The following BAZ2A variants were observed in gnomAD, a reference collection of about 807,000 sequenced individuals.
BAZ2A encodes the protein bromodomain adjacent to zinc finger domain 2A.
A neutral mutation model predicts 199.9 loss-of-function variants in BAZ2A; 34 were observed. That is an observed-to-expected ratio of 0.17 (90% CI 0.13 to 0.23). BAZ2A has a LOEUF of 0.23. Among genes scored for constraint, BAZ2A ranks in the 10% least tolerant of loss-of-function variants. The probability of loss-of-function intolerance (pLI) is 1.00; values close to 1 mark genes in which losing one functional copy is unlikely to be tolerated. For missense variants in BAZ2A, 2,002 were observed against 2,391.1 expected (o/e 0.84, Z 3.39); for synonymous variants, 857 against 883.9 (o/e 0.97, Z 0.54).
chr12:56,635,062 G>T, upstream of BAZ2A: 1 of 983,716 alleles, frequency 1.0e-6, no homozygotes. The surrounding 1 kb of genome is among the most constrained non-coding windows in gnomAD (Gnocchi z 4.1). Flanking sequence ...AGGGGAGGAG[G>T]TGGTGCTTAA....
chr12:56,606,122 T>C (rs1950344544), intron 12 of BAZ2A, 59 bp from the exon 13 acceptor site: 4 of 1,554,522 alleles, frequency 2.6e-6, no homozygotes, highest in Non-Finnish European at 3.5e-6. Context: ...TATCCTTCCC[T>C]GGTCCCAGTC....
intron 10 of BAZ2A, among the ~76,000 whole-genome samples, chr12:56,609,464 G>A (rs546085447): frequency 7.2e-4 from 110 of 152,172 alleles, no homozygotes; most frequent in Admixed American, 2.1e-3. Flanking sequence ...TGGAAAGAAA[G>A]GGCAAGAAAG....
chr12:56,606,589 T>C (rs570844312), intron 11 of BAZ2A, 44 bp downstream of exon 11: 1 of 1,543,556 alleles, frequency 6.5e-7, no homozygotes, highest in South Asian at 1.1e-5. Flanking sequence ...AAGTAAGTTG[T>C]AGGAAAAATT....
chr12:56,602,669 T>C (rs1950215585), intron 19 of BAZ2A, 44 bp downstream of exon 19: 1 of 1,588,724 alleles, frequency 6.3e-7, no homozygotes, highest in Non-Finnish European at 8.6e-7. Flanking sequence ...ATTTAATTCT[T>C]GTTTGATAGG....
In BAZ2A at chr12:56,603,643, T is replaced by C. The variant is rs371625712; in HGVS notation, c.3096A>G (p.Pro1032=). ...TGCGCCTCCGTCCCAGGCATTCCTC[T>C]GGCCCTTCCATCTCTACTTCAGACC... is the stretch of plus-strand genomic sequence containing the variant. ...TGRSEVEMEG[P]EECLGRRRSS... is the part of the protein sequence containing the mutation. The change falls in exon 17 of 29, where the codon CCA becomes CCG. Residue 1032 remains proline (P), a synonymous_variant. Transcript: ENST00000549884. The C allele has an allele frequency of 3.7e-6, 6 of 1,614,052 alleles. No individual in the cohort carries two copies. In the African/African-American group the frequency reaches 8.0e-5, roughly 22 times the overall value.
chr12:56,602,808 C>A lies in BAZ2A; in HGVS notation c.3329G>T (p.Arg1110Leu). 6.2e-7 allele frequency: 1 copy of A among 1,613,684 alleles called. No individual in the cohort carries two copies. Among genetic ancestry groups the A allele is most frequent in the Non-Finnish European group, 8.5e-7 (1 of 1,179,748 alleles). The stretch of plus-strand genomic sequence containing the variant: ...GCGGTCCTGACCCAGGGAGACCGCC[C>A]GAAGCATCTGGGATGAGTGAAGCAG... ...KKLLHSSQML[R>L]AVSLGQDRYR... Residue 1110 changes from arginine to leucine, a missense_variant, in exon 19 of 29, where the codon CGG becomes CTG. Physicochemically the swap from Arg to Leu is moderately radical, Grantham distance 102. Coordinates refer to ENST00000549884, the MANE Select transcript of BAZ2A (RefSeq NM_001300905.2).
At chr12:56,625,993 A>T (rs1238089441) in intron 1 of BAZ2A, among the ~76,000 whole-genome samples, 1 of 152,182 alleles carries the variant, frequency 6.6e-6, no homozygotes, top group East Asian at 1.9e-4. Context: ...GTTCTCTTTA[A>T]AGAGGAGAAA....
intron 12 of BAZ2A, 80 bp downstream of exon 12, chr12:56,606,167 A>G: frequency 6.3e-7 from 1 of 1,596,910 alleles, no homozygotes; most frequent in Non-Finnish European, 8.6e-7. Flanking sequence ...CTCACTATAA[A>G]ACAAGACTGA....
Position 56,599,167 on chromosome 12 carries a change from G to C in BAZ2A, c.5364C>G (p.Leu1788=), listed in dbSNP as rs1886147232. Residue 1788 remains leucine, a synonymous_variant, in exon 27 of 29, where the codon CTC becomes CTG. Coordinates refer to ENST00000549884, the MANE Select transcript of BAZ2A (RefSeq NM_001300905.2). ...EGLSPSKRRR[L]SMRNHHSDLT... ...GATCACTGTGGTGGTTCCGCATAGAGAGTCGCCGCCGCTTGGAGGGGGAGA... is the reference window on the plus strand; with the variant it reads ...GATCACTGTGGTGGTTCCGCATAGACAGTCGCCGCCGCTTGGAGGGGGAGA... The C allele has an allele frequency of 6.2e-7, 1 of 1,612,820 alleles. No homozygotes were observed. The highest frequency in any genetic ancestry group is 8.5e-7 in the Non-Finnish European group (1 of 1,179,506).
intron 1 of BAZ2A, among the ~76,000 whole-genome samples, chr12:56,618,794 C>T (rs867995905): frequency 1.1e-4 from 16 of 151,608 alleles, no homozygotes; most frequent in Admixed American, 3.3e-4. Context: ...CGCTTGAACC[C>T]GCAAGGCAGA....
In BAZ2A at chr12:56,605,686, T is replaced by G. The variant is rs577118419; in HGVS notation, c.2493+144A>C. ...ATCTGCCCGCCTCGGCCTCCCAAAG[T>G]GCTGGGATTACAGTGTGAGCCATGG... On this transcript the variant is annotated intron_variant, in intron 13 of 28. Coordinates refer to ENST00000549884, the MANE Select transcript of BAZ2A (RefSeq NM_001300905.2). 4 of 948,302 alleles carry G rather than the reference T, an allele frequency of 4.2e-6. No homozygotes were observed. In the African/African-American group the frequency reaches 6.7e-5, roughly 16 times the overall value. 58.7% of individuals were successfully genotyped at this position (948,302 alleles called of 1,614,324 possible).
intron 1 of BAZ2A, among the ~76,000 whole-genome samples, chr12:56,627,476 A>G (rs1951136171): frequency 1.3e-5 from 2 of 151,036 alleles, no homozygotes; most frequent in Admixed American, 1.3e-4. Flanking sequence ...AAAAAAAAAA[A>G]AAAAGAAAAA....
At position 56,604,253 on chromosome 12, in the gene BAZ2A, C is replaced by T. The variant is rs771009522; in HGVS notation, c.3002G>A (p.Arg1001Lys). The T allele has an allele frequency of 8.7e-6, 14 of 1,608,808 alleles. No homozygotes were observed. Among genetic ancestry groups the T allele is most frequent in the Non-Finnish European group, 1.2e-5 (14 of 1,177,502 alleles). Residue 1001 changes from arginine to lysine, a missense_variant, in exon 16 of 29, where the codon AGG (arginine) becomes AAG (lysine). Physicochemically the swap from Arg to Lys is conservative, Grantham distance 26. Transcript: ENST00000549884. ...DKTLESMSSY[R>K]KNKWIVEGRL... The stretch of plus-strand genomic sequence containing the variant: ...GCCTTCAACAATCCACTTGTTTTTC[C>T]TGTAGCTGGACATACTCTCCAGAGT...
At chr12:56,628,823 C>T (rs997262108) in intron 1 of BAZ2A, among the ~76,000 whole-genome samples, 5 of 152,214 alleles carry the variant, frequency 3.3e-5, no homozygotes, top group Non-Finnish European at 7.3e-5. Context: ...GCTCTCTAGT[C>T]TCCCTGACAG....
In BAZ2A at chr12:56,630,206, C is replaced by A. The variant is rs1325132235; in HGVS notation, c.-84G>T. ...GTTCACATGGCCGCGCTCCGGGCGC[C>A]AGAACGGGTGGAGACGCCCGCTGGG... On this transcript the variant is annotated 5_prime_UTR_variant, in exon 1 of 29. Transcript: ENST00000549884. The A allele has an allele frequency of 1.0e-6, 1 of 985,452 alleles. No individual in the cohort carries two copies. 61.0% of individuals were successfully genotyped at this position (985,452 alleles called of 1,614,324 possible).
upstream of BAZ2A, among the ~76,000 whole-genome samples, chr12:56,633,994 A>G (rs1407738914): frequency 1.3e-5 from 2 of 151,968 alleles, no homozygotes; most frequent in African/African-American, 4.8e-5. Context: ...TGGCCTCCCA[A>G]AGTACTGGGA....
intron 1 of BAZ2A, among the ~76,000 whole-genome samples, chr12:56,627,757 T>C (rs1196039854): frequency 7.1e-6 from 1 of 141,012 alleles, no homozygotes; most frequent in Non-Finnish European, 1.5e-5. Context: ...GCCAAAGAGG[T>C]CGGGGCTGCA....
chr12:56,626,726 T>G (rs1478618310), intron 1 of BAZ2A, among the ~76,000 whole-genome samples: 1 of 152,266 alleles, frequency 6.6e-6, no homozygotes, highest in Non-Finnish European at 1.5e-5. Context: ...CAGCTTTTCT[T>G]TTAAAAGTCC....
At chr12:56,619,829 C>G (rs1020727480) in intron 1 of BAZ2A, among the ~76,000 whole-genome samples, 5 of 152,008 alleles carry the variant, frequency 3.3e-5, no homozygotes, top group African/African-American at 9.7e-5. Context: ...GGAAACATAG[C>G]AAGGCTCTGT....
Sources: gnomAD v4.1 joint callset for allele counts (sites outside exome capture counted in the v4.1 genomes callset) on GRCh38, gnomAD v4.1.1 for gene constraint, Gnocchi (gnomAD v3.1) non-coding constraint, MANE v1.5 for transcripts, NCBI Gene and HGNC (gene_info 2026-07-23, HGNC 2026-07-21) for gene names.